Variants in TP73 observed in about 807,000 individuals in gnomAD.
TP73 encodes the protein tumor protein p73.
Under a neutral mutation model 62.5 loss-of-function variants are expected in TP73, and 25 were observed. The ratio of observed to expected loss-of-function variants is 0.40; its 90% confidence interval spans 0.29 to 0.56. The LOEUF (loss-of-function observed/expected upper bound fraction) is 0.56. Ranked by LOEUF, TP73 falls within the 20% of genes least tolerant of loss-of-function variation. The pLI, the probability that TP73 is intolerant of heterozygous loss-of-function variation, is 0.46. For synonymous variants in TP73, 423 were observed against 377.5 expected, an observed-to-expected ratio of 1.12 and a Z score of -1.40; for missense variants, 754 against 913.3, an observed-to-expected ratio of 0.83 and a Z score of 2.25.
intron 1 of TP73, among the ~76,000 whole-genome samples, chr1:3,653,903 G>C (rs868071727): frequency 1.3e-5 from 2 of 152,244 alleles, no homozygotes; most frequent in Non-Finnish European, 2.9e-5. Flanking sequence ...GGGCACGGTA[G>C]CTCACGCCTG....
In TP73 at chr1:3,682,314, C is replaced by G. The variant is rs554511962; in HGVS notation, c.-33-19C>G. ...ACGAGTTCCCAGGGTGCTCAGGTGT[C>G]ATTCCTTCCTTCCTGCAGAGCGAGC... On this transcript the variant is annotated intron_variant, in intron 1 of 13. Coordinates refer to ENST00000378295, the MANE Select transcript of TP73 (RefSeq NM_005427.4). 4.1e-6 allele frequency: 6 copies of G among 1,451,188 alleles called. No individual in the cohort carries two copies. Among genetic ancestry groups the G allele is most frequent in the Non-Finnish European group, 5.5e-6 (6 of 1,085,908 alleles). 89.9% of individuals were successfully genotyped at this position (1,451,188 alleles called of 1,614,324 possible).
intron 3 of TP73, among the ~76,000 whole-genome samples, 187 bp from the exon 4 acceptor site, chr1:3,707,362 A>G (rs533127754): frequency 1.3e-5 from 2 of 152,050 alleles, no homozygotes; most frequent in African/African-American, 4.8e-5. Flanking sequence ...GGGGAGGGCG[A>G]GGTGAATATG....
chr1:3,653,779 C>T (rs373025904), intron 1 of TP73, among the ~76,000 whole-genome samples: 13 of 152,132 alleles, frequency 8.5e-5, no homozygotes, highest in African/African-American at 2.2e-4. Flanking sequence ...TGGATTTATT[C>T]GGGGAAAGAT....
chr1:3,707,464 G>C, intron 3 of TP73, 85 bp from the exon 4 acceptor site: 2 of 1,527,512 alleles, frequency 1.3e-6, no homozygotes, highest in Non-Finnish European at 8.8e-7. Context: ...GCCCTTTAAG[G>C]CTCCTGTAAC....
At position 3,727,011 on chromosome 1, in the gene TP73, T is replaced by C. The variant is rs1641704365; in HGVS notation, c.733-104T>C. ...ACAACTATAGAGCAGGGCATCCCCC[T>C]GCCTACGTGGAGCCAGGACCAGACA... On this transcript the variant is annotated intron_variant, in intron 6 of 13. Transcript: ENST00000378295. The C allele has an allele frequency of 4.5e-5, 42 of 923,718 alleles. No individual in the cohort carries two copies. In the South Asian group the frequency reaches 6.4e-4, roughly 14 times the overall value. The allele number at this position is 923,718 out of a possible 1,614,324, so 57.2% of individuals were successfully genotyped here.
At chr1:3,723,564 G>A in intron 6 of TP73, 95 bp downstream of exon 6, 2 of 600,686 alleles carry the variant, frequency 3.3e-6, no homozygotes, top group Non-Finnish European at 5.9e-6. Flanking sequence ...CTCCTCAGTT[G>A]GCTGATCTGC....
At chr1:3,706,795 G>A (rs1639693684) in intron 3 of TP73, among the ~76,000 whole-genome samples, 1 of 152,164 alleles carries the variant, frequency 6.6e-6, no homozygotes, top group Admixed American at 6.5e-5. Flanking sequence ...ACACCCACAG[G>A]GGTTCCTGTT....
chr1:3,719,834 G>A (rs1056406820), intron 4 of TP73, among the ~76,000 whole-genome samples: 35 of 152,130 alleles, frequency 2.3e-4, no homozygotes, highest in African/African-American at 7.0e-4. Flanking sequence ...GCAGGCGCCC[G>A]CACAGGGGTG....
At chr1:3,693,668 C>T (rs946114547) in intron 3 of TP73, among the ~76,000 whole-genome samples, 1 of 152,034 alleles carries the variant, frequency 6.6e-6, no homozygotes, top group African/African-American at 2.4e-5. Context: ...TGGAGAGCTG[C>T]CGCCTCAGCC....
intron 3 of TP73, among the ~76,000 whole-genome samples, chr1:3,688,935 A>G (rs1248409164): frequency 6.6e-6 from 1 of 152,138 alleles, no homozygotes; most frequent in Non-Finnish European, 1.5e-5. Context: ...GGCCCTGTGC[A>G]TGGGACTCGC....
intron 4 of TP73, among the ~76,000 whole-genome samples, chr1:3,717,665 G>A (rs937554354): frequency 2.0e-5 from 3 of 152,180 alleles, no homozygotes; most frequent in Non-Finnish European, 2.9e-5. Context: ...AAGCCTAGAG[G>A]CCTGCTGGGG....
Position 3,682,361 on chromosome 1 carries a change from G to A in TP73, c.-5G>A, listed in dbSNP as rs2102089448. ...GAGCTGCCCTCGGAGGCCGGCGTGG[G>A]GAAGATGGCCCAGTCCACCGCCACC... is the stretch of plus-strand genomic sequence containing the variant. On this transcript the variant is annotated 5_prime_UTR_variant, in exon 2 of 14. Coordinates refer to ENST00000378295, the MANE Select transcript of TP73 (RefSeq NM_005427.4). The A allele has an allele frequency of 6.5e-7, 1 of 1,540,728 alleles. No homozygotes were observed. The highest frequency in any genetic ancestry group is 8.8e-7 in the Non-Finnish European group (1 of 1,137,852).
chr1:3,730,801 C>T, intron 11 of TP73, 126 bp from the exon 12 acceptor site: 1 of 1,281,362 alleles, frequency 7.8e-7, no homozygotes, highest in Non-Finnish European at 1.1e-6. Context: ...AGGGGTGATG[C>T]CCAGCGTCAC....
rs757200910 is a variant in TP73 at position 3,723,388 on chromosome 1, G to A, written c.651G>A (p.Val217=). ...QSAPASHLIR[V]EGNNLSQYVD... is the part of the protein sequence containing the mutation. ...CTCCAGCCAGCCACCTCATCCGCGT[G>A]GAAGGCAATAATCTCTCGCAGTATG... Residue 217 remains valine (V), a synonymous_variant, in exon 6 of 14, where the codon GTG becomes GTA. Coordinates refer to ENST00000378295, the MANE Select transcript of TP73 (RefSeq NM_005427.4). The A allele has an allele frequency of 1.9e-6, 3 of 1,612,536 alleles. No homozygotes were observed. In the South Asian group the frequency reaches 3.3e-5, roughly 18 times the overall value.
At chr1:3,704,206 C>G (rs368512785) in intron 3 of TP73, among the ~76,000 whole-genome samples, 1 of 152,230 alleles carries the variant, frequency 6.6e-6, no homozygotes, top group Non-Finnish European at 1.5e-5. Flanking sequence ...TAGCCGCATT[C>G]AAAAAGGTGG....
chr1:3,664,274 G>A (rs1030914690), intron 1 of TP73, among the ~76,000 whole-genome samples: 2 of 152,212 alleles, frequency 1.3e-5, no homozygotes, highest in Non-Finnish European at 2.9e-5. Context: ...GGATAGGAAG[G>A]ACCCACCTGT....
At position 3,683,192 on chromosome 1, in the gene TP73, G is replaced by T; in HGVS notation, c.186+12G>T. 2 of 1,597,918 alleles carry T rather than the reference G, an allele frequency of 1.3e-6. No homozygotes were observed. The highest frequency in any genetic ancestry group is 2.2e-5 in the South Asian group (2 of 90,362). On this transcript the variant is annotated intron_variant, in intron 3 of 13. Coordinates refer to ENST00000378295, the MANE Select transcript of TP73 (RefSeq NM_005427.4). ...CTACATCTGTCATGGTGAGTGGGGG[G>T]GCTGCCCTCTGCAAGAGGACTGGAG...
intron 1 of TP73, 23 bp from the exon 2 acceptor site, chr1:3,682,310 G>A (rs1449761755): frequency 6.9e-7 from 1 of 1,445,388 alleles, no homozygotes; most frequent in Admixed American, 2.3e-5. Context: ...GGGTGCTCAG[G>A]TGTCATTCCT....
Position 3,707,658 on chromosome 1 carries a change from A to C in TP73, c.296A>C (p.Tyr99Ser). Reference protein sequence around the residue: ...HAASVPTHSPYAQPSSTFDTM... With the variant: ...HAASVPTHSPSAQPSSTFDTM... Reference sequence around the variant, plus strand: ...GCCAGCGTGCCCACCCACTCGCCCTACGCACAACCCAGCTCCACCTTCGAC... The same window carrying C: ...GCCAGCGTGCCCACCCACTCGCCCTCCGCACAACCCAGCTCCACCTTCGAC... Residue 99 changes from tyrosine to serine, a missense_variant, in exon 4 of 14, where the codon TAC (tyrosine) becomes TCC (serine). Tyr to Ser is a moderately radical substitution (Grantham distance 144, BLOSUM62 -2). Around this residue, in one of 3 missense-constraint regions of TP73, gnomAD observed 235 missense variants for 251.4 expected, o/e 0.93. Coordinates refer to ENST00000378295, the MANE Select transcript of TP73 (RefSeq NM_005427.4). The C allele has an allele frequency of 1.2e-6, 2 of 1,613,048 alleles. No homozygotes were observed. Among genetic ancestry groups the C allele is most frequent in the Non-Finnish European group, 1.7e-6 (2 of 1,179,908 alleles).
Sources: gnomAD v4.1 joint callset for allele counts (sites outside exome capture counted in the v4.1 genomes callset) on GRCh38, gnomAD v4.1.1 for gene constraint, gnomAD v4.1.1 regional missense constraint, MANE v1.5 for transcripts, NCBI Gene and HGNC (gene_info 2026-07-23, HGNC 2026-07-21) for gene names.